The following IFT88 variants were observed in gnomAD, a reference collection of about 807,000 sequenced individuals.
IFT88 encodes intraflagellar transport 88, also known as intraflagellar transport protein 88 homolog.
A neutral mutation model predicts 119.5 loss-of-function variants in IFT88; 74 were observed. The observed-to-expected ratio is 0.62, with a 90% CI of 0.51 to 0.75. The LOEUF is 0.75. IFT88 is among the 30% of genes least tolerant of loss of function. The pLI, the probability that IFT88 is intolerant of heterozygous loss-of-function variation, is 0.00. For synonymous variants in IFT88, 279 were observed against 316.7 expected (o/e 0.88, Z 1.26); for missense variants, 961 against 977.7 (o/e 0.98, Z 0.23).
intron 3 of IFT88, among the ~76,000 whole-genome samples, chr13:20,586,973 G>A (rs1042048619): frequency 6.6e-6 from 1 of 151,498 alleles, no homozygotes; most frequent in Non-Finnish European, 1.5e-5. Context: ...ATTTCCATGG[G>A]TATTTCTTCT....
At chr13:20,579,422 CT>C (rs1287950837) in intron 2 of IFT88, among the ~76,000 whole-genome samples, 1 of 152,212 alleles carries the variant, frequency 6.6e-6, no homozygotes, top group East Asian at 1.9e-4. Flanking sequence ...TCTCCTGTGT[CT>C]GTCACCACAA....
intron 15 of IFT88, among the ~76,000 whole-genome samples, chr13:20,629,434 A>G (rs1048266637): frequency 1.3e-5 from 2 of 152,184 alleles, no homozygotes; most frequent in African/African-American, 4.8e-5. Context: ...TGAGGATATG[A>G]TGTTTGGGTT....
chr13:20,590,687 C>G (rs1378225121), intron 4 of IFT88, among the ~76,000 whole-genome samples: 1 of 152,068 alleles, frequency 6.6e-6, no homozygotes, highest in Non-Finnish European at 1.5e-5. Flanking sequence ...TGCTACTATC[C>G]AACTCTGCAT....
intron 24 of IFT88, among the ~76,000 whole-genome samples, chr13:20,679,220 A>T (rs2057045434): frequency 6.6e-6 from 1 of 152,188 alleles, no homozygotes; most frequent in African/African-American, 2.4e-5. Flanking sequence ...TCCTAGCCAC[A>T]TTACAGTTTG....
chr13:20,597,326 G>A (rs1021825265), intron 9 of IFT88, among the ~76,000 whole-genome samples: 1 of 152,114 alleles, frequency 6.6e-6, no homozygotes, highest in South Asian at 2.1e-4. Context: ...GTTATTTTAG[G>A]CTGGGTGCAG....
At chr13:20,573,930 T>C (rs2036869114) in intron 1 of IFT88, among the ~76,000 whole-genome samples, 1 of 152,208 alleles carries the variant, frequency 6.6e-6, no homozygotes, top group African/African-American at 2.4e-5. Context: ...TGTTTTGACA[T>C]CTAGTTTTGG....
chr13:20,627,456 G>C (rs1333701916), intron 15 of IFT88, among the ~76,000 whole-genome samples: 1 of 152,230 alleles, frequency 6.6e-6, no homozygotes, highest in African/African-American at 2.4e-5. Context: ...GAGGCCGGGC[G>C]TGGTGGCTCA....
rs2053421282 is a variant in IFT88 at position 20,659,405 on chromosome 13, G to A, written c.2068+2975G>A. 2.6e-5 allele frequency among the ~76,000 whole-genome samples: 4 copies of A among 152,052 alleles called. No homozygotes were observed. In the South Asian group the frequency reaches 8.3e-4, roughly 32 times the overall value. Reference sequence around the variant, plus strand: ...CCTGCTCGGGAGGCTGAGATGGAAGGATCGCTTGAACCCAGGAGTTCCAAA... The same window carrying A: ...CCTGCTCGGGAGGCTGAGATGGAAGAATCGCTTGAACCCAGGAGTTCCAAA... On this transcript the variant is annotated intron_variant, in intron 22 of 25. Transcript: ENST00000351808.
At chr13:20,576,853 T>C (rs1015548990) in intron 2 of IFT88, among the ~76,000 whole-genome samples, 1 of 152,208 alleles carries the variant, frequency 6.6e-6, no homozygotes, top group Non-Finnish European at 1.5e-5. Flanking sequence ...TCTGGGTCTT[T>C]TGTAGTTCTA....
At chr13:20,665,802 C>G (rs7983020) in intron 23 of IFT88, among the ~76,000 whole-genome samples, 4 of 151,972 alleles carry the variant, frequency 2.6e-5, no homozygotes, top group Admixed American at 6.5e-5. Context: ...GCTGTGGGAC[C>G]GAGAGGGGAA....
chr13:20,635,931 G>A (rs2048967247), intron 16 of IFT88, among the ~76,000 whole-genome samples: 1 of 152,108 alleles, frequency 6.6e-6, no homozygotes, highest in Admixed American at 6.6e-5. Context: ...AATAGCCTGT[G>A]TTTGCAGCTG....
At chr13:20,669,118 A>G (rs2055315340) in intron 23 of IFT88, among the ~76,000 whole-genome samples, 2 of 152,224 alleles carry the variant, frequency 1.3e-5, no homozygotes, top group African/African-American at 2.4e-5. Flanking sequence ...AGAAGGAGGC[A>G]AGGACCATAG....
chr13:20,596,422 T>C (rs924842196), intron 8 of IFT88, among the ~76,000 whole-genome samples, 182 bp downstream of exon 8: 8 of 152,176 alleles, frequency 5.3e-5, no homozygotes. Flanking sequence ...GTCAGAATAA[T>C]TGGCTGGTTT....
intron 24 of IFT88, among the ~76,000 whole-genome samples, chr13:20,687,101 C>T (rs1348775250): frequency 6.8e-6 from 1 of 146,842 alleles, no homozygotes; most frequent in East Asian, 2.1e-4. Flanking sequence ...AGGTCATCTT[C>T]TTAGTATGCA....
At chr13:20,678,980 A>G (rs1224847124) in intron 24 of IFT88, among the ~76,000 whole-genome samples, 1 of 152,180 alleles carries the variant, frequency 6.6e-6, no homozygotes, top group Non-Finnish European at 1.5e-5. Flanking sequence ...AGCTCCTTCA[A>G]GCACTTCAGT....
chr13:20,679,057 T>G (rs563641884), intron 24 of IFT88, among the ~76,000 whole-genome samples: 3 of 152,356 alleles, frequency 2.0e-5, no homozygotes, highest in African/African-American at 7.2e-5. Flanking sequence ...TTACAATATC[T>G]AAAGATAAAT....
intron 8 of IFT88, 144 bp from the exon 9 acceptor site, chr13:20,596,871 A>T (rs2041734769): frequency 2.2e-6 from 1 of 460,512 alleles, no homozygotes; most frequent in African/African-American, 2.0e-5. Flanking sequence ...TTCCAAGGGA[A>T]GTTTCTGGTA....
At chr13:20,686,640 A>T (rs934407719) in intron 24 of IFT88, among the ~76,000 whole-genome samples, 1 of 107,014 alleles carries the variant, frequency 9.3e-6, no homozygotes, top group Non-Finnish European at 2.0e-5. Flanking sequence ...GTATTTAAAT[A>T]TGATAAAAAT....
chr13:20,666,912 T>G (rs893732102), intron 23 of IFT88, among the ~76,000 whole-genome samples: 2 of 152,182 alleles, frequency 1.3e-5, no homozygotes, highest in Non-Finnish European at 2.9e-5. Flanking sequence ...TACAAACATA[T>G]ATCAACACAT....
Sources: allele counts gnomAD v4.1 joint callset (sites outside exome capture counted in the v4.1 genomes callset), GRCh38; gene constraint gnomAD v4.1.1; transcripts MANE v1.5; gene names NCBI Gene and HGNC (gene_info 2026-07-23, HGNC 2026-07-21).